KDM6A: variants seen among roughly 807,000 people sequenced by gnomAD.
The protein encoded by KDM6A is lysine demethylase 6A, also known as lysine-specific demethylase 6A.
A neutral mutation model predicts 117.6 loss-of-function variants in KDM6A; 11 were observed. The ratio of observed to expected loss-of-function variants is 0.09; its 90% confidence interval spans 0.06 to 0.15. KDM6A has a LOEUF of 0.15. KDM6A is among the 10% of genes least tolerant of loss of function. The probability of loss-of-function intolerance (pLI) is 1.00; values close to 1 mark genes in which losing one functional copy is unlikely to be tolerated. For missense variants in KDM6A, 799 were observed against 1,077.3 expected, an observed-to-expected ratio of 0.74 and a Z score of 3.62; for synonymous variants, 384 against 396.1, an observed-to-expected ratio of 0.97 and a Z score of 0.36.
chrX:44,949,719 A>C (rs1480241486), intron 2 of KDM6A, among the ~76,000 whole-genome samples: 1 of 111,958 alleles, frequency 8.9e-6, no homozygotes, highest in East Asian at 2.8e-4. Flanking sequence ...AATGTGTGTA[A>C]GGCAAAGGAA....
intron 2 of KDM6A, among the ~76,000 whole-genome samples, chrX:44,894,592 G>A (rs1033753553): frequency 1.9e-5 from 2 of 107,010 alleles, no homozygotes; most frequent in Non-Finnish European, 3.8e-5. Flanking sequence ...TGAGTCTTAG[G>A]TTTGTCAACT....
At chrX:45,002,663 A>T (rs1418795662) in intron 4 of KDM6A, among the ~76,000 whole-genome samples, 2 of 111,919 alleles carry the variant, frequency 1.8e-5, no homozygotes, top group African/African-American at 6.5e-5. Flanking sequence ...AGGCCTAATT[A>T]CTTTTAAATT....
At chrX:44,969,767 TTA>T (rs2039246056) in intron 3 of KDM6A, among the ~76,000 whole-genome samples, 1 of 111,861 alleles carries the variant, frequency 8.9e-6, no homozygotes, top group Non-Finnish European at 1.9e-5. Context: ...CCTGGAATAT[TTA>T]TAGTATAAGA....
chrX:44,911,924 G>A (rs2035215871), intron 2 of KDM6A, among the ~76,000 whole-genome samples: 1 of 108,258 alleles, frequency 9.2e-6, no homozygotes, highest in Admixed American at 9.7e-5. Context: ...GCGCTTGGCA[G>A]GTTGAGGCAG....
At chrX:45,000,509 T>C (rs1003680863) in intron 4 of KDM6A, among the ~76,000 whole-genome samples, 1 of 111,924 alleles carries the variant, frequency 8.9e-6, no homozygotes, top group African/African-American at 3.3e-5. Context: ...TAAGTGCCAC[T>C]CCAGTTATTT....
intron 3 of KDM6A, among the ~76,000 whole-genome samples, chrX:44,962,783 C>G: frequency 8.9e-6 from 1 of 112,215 alleles, no homozygotes; most frequent in East Asian, 2.8e-4. Context: ...AAAAAACTTT[C>G]TTGCTAAAAA....
At chrX:44,953,991 A>G (rs2038172161) in intron 2 of KDM6A, among the ~76,000 whole-genome samples, 1 of 109,050 alleles carries the variant, frequency 9.2e-6, no homozygotes, top group Non-Finnish European at 1.9e-5. Flanking sequence ...CTGGGAGGTC[A>G]AGGCTGCAGT....
chrX:45,074,073 C>T (rs1053494894), intron 18 of KDM6A, among the ~76,000 whole-genome samples: 2 of 111,742 alleles, frequency 1.8e-5, no homozygotes, highest in South Asian at 3.7e-4. Context: ...GAAGGGATCC[C>T]GTTTCAGCTT....
chrX:44,994,772 C>T (rs369649410), intron 4 of KDM6A, among the ~76,000 whole-genome samples: 1 of 111,188 alleles, frequency 9.0e-6, no homozygotes, highest in African/African-American at 3.3e-5. Context: ...GCTGCTGTGT[C>T]GTTCCCCTAT....
chrX:45,042,996 C>T (rs1019651416), intron 8 of KDM6A, among the ~76,000 whole-genome samples: 29 of 112,646 alleles, frequency 2.6e-4, no homozygotes, highest in African/African-American at 8.4e-4. Context: ...GTTTGAAAGG[C>T]AAAAAGGTCG....
intron 2 of KDM6A, among the ~76,000 whole-genome samples, chrX:44,939,722 A>G (rs1054938589): frequency 9.0e-6 from 1 of 111,653 alleles, no homozygotes; most frequent in Non-Finnish European, 1.9e-5. Flanking sequence ...CCATGTGGCA[A>G]ACTTCATTGT....
chrX:45,016,911 G>A (rs1434010779), intron 5 of KDM6A, among the ~76,000 whole-genome samples: 10 of 111,678 alleles, frequency 9.0e-5, no homozygotes, highest in African/African-American at 3.3e-4. Context: ...CTTTGTGGAA[G>A]TCTTATTAAA....
rs751156134 is a variant in KDM6A at position 45,068,982 on chromosome X, C to A, written c.2080-597C>A. 6.3e-5 allele frequency among the ~76,000 whole-genome samples: 7 copies of A among 110,629 alleles called. No individual in the cohort carries two copies. The South Asian group carries it at 2.7e-3, about 42-fold the overall frequency. On this transcript the variant is annotated intron_variant, in intron 17 of 29. Coordinates refer to ENST00000611820, the MANE Select transcript of KDM6A (RefSeq NM_001291415.2). Reference sequence around the variant, plus strand: ...GAGTGCTGGGATTACAGACATAAGCCACTGCACCAAGCCTATCTAGTCTTC... The same window carrying A: ...GAGTGCTGGGATTACAGACATAAGCAACTGCACCAAGCCTATCTAGTCTTC...
chrX:45,048,180 A>C (rs1021580567), intron 8 of KDM6A, among the ~76,000 whole-genome samples: 9 of 107,325 alleles, frequency 8.4e-5, no homozygotes, highest in Non-Finnish European at 1.7e-4. Context: ...AAAAAAAAAA[A>C]CTACAAATTT....
At chrX:44,912,031 GGA>G (rs1218220205) in intron 2 of KDM6A, among the ~76,000 whole-genome samples, 1 of 106,012 alleles carries the variant, frequency 9.4e-6, no homozygotes, top group Admixed American at 1.0e-4. Flanking sequence ...GGAGGGAGAG[GGA>G]GAGAGGGGGA....
chrX:44,982,572 GATT>G (rs1366313696), intron 4 of KDM6A, among the ~76,000 whole-genome samples: 1 of 111,823 alleles, frequency 8.9e-6, no homozygotes, highest in African/African-American at 3.3e-5. Context: ...TTGTTGAAGA[GATT>G]AATTCACATT....
chrX:44,974,277 A>G (rs2039510250), intron 3 of KDM6A, among the ~76,000 whole-genome samples: 2 of 111,653 alleles, frequency 1.8e-5, no homozygotes, highest in African/African-American at 3.3e-5. Context: ...CTGGTCTTCC[A>G]TATCTTAGCT....
At chrX:45,089,604 C>A in intron 25 of KDM6A, 139 bp from the exon 26 acceptor site, 1 of 493,771 alleles carries the variant, frequency 2.0e-6, no homozygotes, top group South Asian at 2.9e-5. Flanking sequence ...ATACATACAG[C>A]AGATCTTTTT....
intron 2 of KDM6A, among the ~76,000 whole-genome samples, 189 bp from the exon 3 acceptor site, chrX:44,961,095 C>CT (rs1168125077): frequency 9.0e-6 from 1 of 111,403 alleles, no homozygotes; most frequent in African/African-American, 3.3e-5. Flanking sequence ...ACTAGTGGCT[C>CT]TTTTAATAAA....
Sources: gnomAD v4.1 joint callset for allele counts (sites outside exome capture counted in the v4.1 genomes callset) on GRCh38, gnomAD v4.1.1 for gene constraint, MANE v1.5 for transcripts, NCBI Gene and HGNC (gene_info 2026-07-23, HGNC 2026-07-21) for gene names.